The following RALYL variants were observed in gnomAD, a reference collection of about 807,000 sequenced individuals.
RALYL encodes the protein RNA-binding Raly-like protein.
Under a neutral mutation model 35.1 loss-of-function variants are expected in RALYL, and 29 were observed. The observed-to-expected ratio is 0.83, with a 90% confidence interval of 0.61 to 1.13. The LOEUF (loss-of-function observed/expected upper bound fraction) is 1.13. Among genes scored for constraint, RALYL ranks in the 50% most tolerant of loss-of-function variants. RALYL has a pLI of 0.00. For missense variants in RALYL, 359 were observed against 360.4 expected (o/e 1.00, Z 0.03); for synonymous variants, 120 against 127.6 (o/e 0.94, Z 0.40).
intron 4 of RALYL, among the ~76,000 whole-genome samples, chr8:84,813,776 C>G (rs551516776): frequency 5.9e-5 from 9 of 151,892 alleles, no homozygotes; most frequent in Non-Finnish European, 8.8e-5. Flanking sequence ...TTTTTTAATA[C>G]TTTAAGTTCT....
chr8:84,499,540 AC>A (rs1317443130), intron 1 of RALYL, among the ~76,000 whole-genome samples: 3 of 152,140 alleles, frequency 2.0e-5, no homozygotes, highest in Non-Finnish European at 4.4e-5. Flanking sequence ...AGCAGAGACA[AC>A]AGAGACCTGT....
At chr8:84,715,337 T>A (rs1347469874) in intron 2 of RALYL, among the ~76,000 whole-genome samples, 1 of 151,920 alleles carries the variant, frequency 6.6e-6, no homozygotes, top group Non-Finnish European at 1.5e-5. Flanking sequence ...TTCATTTTTA[T>A]TATAATTTCA....
intron 1 of RALYL, among the ~76,000 whole-genome samples, chr8:84,439,486 C>A (rs1375278902): frequency 6.6e-6 from 1 of 152,004 alleles, no homozygotes; most frequent in Non-Finnish European, 1.5e-5. Context: ...CTTTTCCAAT[C>A]TGTATTTTGT....
chr8:84,488,363 C>A (rs1259680013), intron 1 of RALYL, among the ~76,000 whole-genome samples: 1 of 152,012 alleles, frequency 6.6e-6, no homozygotes, highest in African/African-American at 2.4e-5. Flanking sequence ...TGTTTGTAGG[C>A]TTTCTTAGTC....
intron 1 of RALYL, among the ~76,000 whole-genome samples, chr8:84,484,029 C>A (rs1356967473): frequency 6.6e-6 from 1 of 152,024 alleles, no homozygotes; most frequent in African/African-American, 2.4e-5. Flanking sequence ...TTTAATGCAG[C>A]TTTTCTTTTT....
chr8:84,626,161 C>G (rs1465523752), intron 2 of RALYL, among the ~76,000 whole-genome samples: 3 of 152,082 alleles, frequency 2.0e-5, no homozygotes, highest in Non-Finnish European at 1.5e-5. Context: ...TATAGTTTGA[C>G]TTTTGAACTT....
intron 7 of RALYL, 74 bp downstream of exon 7, chr8:84,873,471 GC>G: frequency 1.2e-6 from 1 of 861,650 alleles, no homozygotes; most frequent in Non-Finnish European, 1.9e-6. Context: ...GCAGTACAGG[GC>G]CAGGAAGACA....
At chr8:84,677,099 A>G (rs919993099) in intron 2 of RALYL, among the ~76,000 whole-genome samples, 7 of 152,084 alleles carry the variant, frequency 4.6e-5, no homozygotes, top group African/African-American at 1.4e-4. Context: ...CCTGCCCGTA[A>G]TGCACTCTTG....
chr8:84,768,105 C>T (rs911828667), intron 2 of RALYL, among the ~76,000 whole-genome samples: 1 of 152,100 alleles, frequency 6.6e-6, no homozygotes, highest in African/African-American at 2.4e-5. Context: ...AAAATTGAAC[C>T]TTGGTCATTC....
At chr8:84,324,129 A>G (rs1465426191) in intron 1 of RALYL, among the ~76,000 whole-genome samples, 3 of 152,050 alleles carry the variant, frequency 2.0e-5, no homozygotes, top group Non-Finnish European at 4.4e-5. Flanking sequence ...AAGTATTCTA[A>G]TGTATCTTAG....
chr8:84,855,897 C>G (rs1439316486), intron 5 of RALYL, among the ~76,000 whole-genome samples: 1 of 152,110 alleles, frequency 6.6e-6, no homozygotes, highest in Non-Finnish European at 1.5e-5. Context: ...CCAAAATAGG[C>G]ATTGTTCAAT....
At chr8:84,214,346 T>C (rs1244109782) in intron 1 of RALYL, among the ~76,000 whole-genome samples, 1 of 152,178 alleles carries the variant, frequency 6.6e-6, no homozygotes, top group Non-Finnish European at 1.5e-5. Flanking sequence ...GATGGATTTA[T>C]ATAGCCTGGG....
intron 1 of RALYL, among the ~76,000 whole-genome samples, chr8:84,341,826 A>G (rs761309629): frequency 4.6e-5 from 7 of 151,988 alleles, no homozygotes; most frequent in Non-Finnish European, 1.0e-4. Flanking sequence ...TCACTATTCA[A>G]GTCACTATTC....
At chr8:84,895,567 C>T (rs1188213960) in intron 8 of RALYL, among the ~76,000 whole-genome samples, 1 of 152,146 alleles carries the variant, frequency 6.6e-6, no homozygotes, top group Non-Finnish European at 1.5e-5. Context: ...AGCTGGAGTG[C>T]AGTGGCGTGA....
chr8:84,497,969 T>G (rs958054059), intron 1 of RALYL, among the ~76,000 whole-genome samples: 20 of 151,846 alleles, frequency 1.3e-4, no homozygotes, highest in Non-Finnish European at 2.5e-4. Flanking sequence ...TTTTTTTTTT[T>G]TTGTTTTCAA....
chr8:84,276,219 A>G (rs1184578479), intron 1 of RALYL, among the ~76,000 whole-genome samples: 2 of 152,158 alleles, frequency 1.3e-5, no homozygotes, highest in African/African-American at 4.8e-5. Flanking sequence ...GAGCTCTGAC[A>G]CTTATTAGCT....
chr8:84,779,933 G>A (rs1180009486), intron 3 of RALYL, among the ~76,000 whole-genome samples: 6 of 152,164 alleles, frequency 3.9e-5, no homozygotes, highest in Non-Finnish European at 8.8e-5. Flanking sequence ...TTCAGCTAAT[G>A]CTAAATAGCA....
intron 2 of RALYL, among the ~76,000 whole-genome samples, chr8:84,568,039 G>A (rs981026895): frequency 6.7e-6 from 1 of 150,144 alleles, no homozygotes; most frequent in Non-Finnish European, 1.5e-5. Context: ...CCTTTTCCCA[G>A]TTTTTTTTTA....
chr8:84,468,158 T>G (rs977556363), intron 1 of RALYL, among the ~76,000 whole-genome samples: 4 of 152,064 alleles, frequency 2.6e-5, no homozygotes, highest in African/African-American at 4.8e-5. Flanking sequence ...AAGTTAATAT[T>G]GTTATGTGTG....
Sources: gnomAD v4.1 joint callset for allele counts (sites outside exome capture counted in the v4.1 genomes callset) on GRCh38, gnomAD v4.1.1 for gene constraint, MANE v1.5 for transcripts, NCBI Gene and HGNC (gene_info 2026-07-23, HGNC 2026-07-21) for gene names.